Variants in TMBIM4 observed in about 807,000 individuals in gnomAD.
TMBIM4 encodes transmembrane BAX inhibitor motif containing 4, also known as protein lifeguard 4.
In TMBIM4, 28 loss-of-function variants were observed where a neutral mutation model predicts 27.7. The ratio of observed to expected loss-of-function variants is 1.01; its 90% CI spans 0.75 to 1.38. TMBIM4 has a LOEUF of 1.38. Among genes scored for constraint, TMBIM4 ranks in the 40% most tolerant of loss-of-function variants. TMBIM4 has a pLI of 0.00. For missense variants in TMBIM4, 265 were observed against 277.5 expected (o/e 0.95, Z 0.32); for synonymous variants, 115 against 113.1 (o/e 1.02, Z -0.11).
intron 1 of TMBIM4, among the ~76,000 whole-genome samples, chr12:66,160,732 T>C (rs930402761): frequency 6.6e-6 from 1 of 152,264 alleles, no homozygotes; most frequent in Admixed American, 6.5e-5. Context: ...CACAAGGCTG[T>C]CACCTCACAC....
In TMBIM4 at chr12:66,155,335, T is replaced by TGAGAGAGA. The variant is rs71697123; in HGVS notation, c.98-1895_98-1888dup. ...AGGATGGGGTGTGTGTGCACACGTG[T>TGAGAGAGA]GAGAGAGAGAGAGAGAGAGAGAGAG... On this transcript the variant is annotated intron_variant, in intron 1 of 6. Coordinates refer to ENST00000358230, the MANE Select transcript of TMBIM4 (RefSeq NM_016056.4). Among the ~76,000 whole-genome samples, 37 of 131,714 alleles carry TGAGAGAGA rather than the reference T, an allele frequency of 2.8e-4. 1 individual carries two copies. The highest frequency in any genetic ancestry group is 7.0e-4 in the African/African-American group (27 of 38,452). 86.4% of individuals were successfully genotyped at this position (131,714 alleles called of 152,430 possible).
At chr12:66,153,286 T>C in intron 2 of TMBIM4, 54 bp downstream of exon 2, 1 of 1,091,726 alleles carries the variant, frequency 9.2e-7, no homozygotes, top group South Asian at 1.4e-5. Flanking sequence ...ATAATATGCC[T>C]TTTTGATCAT....
chr12:66,149,599 TTAAGA>T (rs1004828580), intron 3 of TMBIM4, among the ~76,000 whole-genome samples: 11 of 151,742 alleles, frequency 7.2e-5, no homozygotes, highest in Non-Finnish European at 1.0e-4. Context: ...TAAATAAGAG[TTAAGA>T]TAAGACTAGG....
chr12:66,153,865 A>G (rs1373705311), intron 1 of TMBIM4, among the ~76,000 whole-genome samples: 1 of 152,188 alleles, frequency 6.6e-6, no homozygotes. Flanking sequence ...CTTAATTTCA[A>G]AAATAGTAAA....
intron 1 of TMBIM4, among the ~76,000 whole-genome samples, chr12:66,153,844 T>A (rs1184244131): frequency 6.6e-6 from 1 of 152,146 alleles, no homozygotes; most frequent in South Asian, 2.1e-4. Context: ...AAACGTTAAG[T>A]TTTTTTATGT....
chr12:66,164,004 G>C (rs1198145557), intron 1 of TMBIM4, among the ~76,000 whole-genome samples: 1 of 152,238 alleles, frequency 6.6e-6, no homozygotes, highest in South Asian at 2.1e-4. Flanking sequence ...TTCCTGGACT[G>C]TGAGGATGGT....
At chr12:66,160,042 G>A (rs1344440139) in intron 1 of TMBIM4, 1 of 561,372 alleles carries the variant, frequency 1.8e-6, no homozygotes, top group Non-Finnish European at 3.2e-6. Context: ...TTTTGTAACT[G>A]AAGTTTTATT....
At chr12:66,144,430 G>C (rs2051718345) in intron 5 of TMBIM4, among the ~76,000 whole-genome samples, 1 of 152,142 alleles carries the variant, frequency 6.6e-6, no homozygotes. Context: ...AGCTGAATTT[G>C]CCCAACTACA....
chr12:66,169,809 C>A, intron 1 of TMBIM4, 46 bp downstream of exon 1: 2 of 1,409,120 alleles, frequency 1.4e-6, no homozygotes, highest in Admixed American at 2.9e-5. Flanking sequence ...AGAGGCCGAG[C>A]AGTGCAGACA....
chr12:66,152,860 TTAATA>T (rs376259858), intron 2 of TMBIM4, among the ~76,000 whole-genome samples: 21 of 152,008 alleles, frequency 1.4e-4, no homozygotes, highest in African/African-American at 5.1e-4. Flanking sequence ...CTCCTTTCCT[TTAATA>T]TAACAAAACT....
rs560839589 is a variant in TMBIM4 at position 66,160,217 on chromosome 12, A to C, written c.98-6769T>G. The C allele has an allele frequency of 7.5e-5, 53 of 703,418 alleles. 1 individual carries two copies. The highest frequency in any genetic ancestry group is 3.7e-4 in the African/African-American group (21 of 57,400). The allele number at this position is 703,418 out of a possible 1,614,324, so 43.6% of individuals were successfully genotyped here. ...TCCCTGATCTACCAGATTGCCGGAG[A>C]TGAAAAAATCTGATGATATTCAGTG... On this transcript the variant is annotated intron_variant, in intron 1 of 6. Coordinates refer to ENST00000358230, the MANE Select transcript of TMBIM4 (RefSeq NM_016056.4).
intron 1 of TMBIM4, among the ~76,000 whole-genome samples, chr12:66,157,927 A>C (rs973871650): frequency 1.3e-5 from 2 of 152,170 alleles, no homozygotes; most frequent in African/African-American, 4.8e-5. Context: ...AGCTAAAGGA[A>C]GAAATGTCAA....
chr12:66,144,985 G>A (rs987980268), intron 5 of TMBIM4, among the ~76,000 whole-genome samples: 2 of 152,106 alleles, frequency 1.3e-5, no homozygotes, highest in Non-Finnish European at 2.9e-5. Context: ...TTGAGAAGAG[G>A]AAGTAGAACA....
intron 6 of TMBIM4, 96 bp downstream of exon 6, chr12:66,138,628 G>T (rs1224007355): frequency 1.1e-5 from 9 of 819,666 alleles, no homozygotes; most frequent in Non-Finnish European, 3.8e-6. Flanking sequence ...ATAACTAAGT[G>T]TCCTATCATA....
intron 3 of TMBIM4, among the ~76,000 whole-genome samples, chr12:66,151,284 A>C (rs867502582): frequency 6.6e-6 from 1 of 151,964 alleles, no homozygotes; most frequent in African/African-American, 2.4e-5. Context: ...CTCAGGCTGG[A>C]GTTTAGTCAC....
At chr12:66,158,082 T>C (rs551071913) in intron 1 of TMBIM4, among the ~76,000 whole-genome samples, 101 of 151,538 alleles carry the variant, frequency 6.7e-4, no homozygotes, top group East Asian at 1.6e-3. Context: ...AAAACTTAGC[T>C]GGGCGTGGTG....
intron 5 of TMBIM4, among the ~76,000 whole-genome samples, chr12:66,144,020 T>C (rs2051711755): frequency 6.6e-6 from 1 of 152,176 alleles, no homozygotes; most frequent in South Asian, 2.1e-4. Context: ...TAGCAGTAGA[T>C]GTGATTCAGT....
At chr12:66,158,502 G>A (rs1166827847) in intron 1 of TMBIM4, among the ~76,000 whole-genome samples, 1 of 152,010 alleles carries the variant, frequency 6.6e-6, no homozygotes, top group Non-Finnish European at 1.5e-5. Context: ...AGCTGGGTGT[G>A]GTGGCATGTG....
rs112853139 is a variant in TMBIM4 at position 66,162,630 on chromosome 12, C to A, written c.97+7225G>T. Among the ~76,000 whole-genome samples, 11 of 152,334 alleles carry A rather than the reference C, an allele frequency of 7.2e-5. No individual in the cohort carries two copies. In the East Asian group the frequency reaches 1.7e-3, roughly 24 times the overall value. On this transcript the variant is annotated intron_variant, in intron 1 of 6. Coordinates refer to ENST00000358230, the MANE Select transcript of TMBIM4 (RefSeq NM_016056.4). ...AAATAGTTGTTTGCCAGTTCCCAAACGCTTCTCTAGTGCCAATGAAGGTTC... is the reference window on the plus strand; with the variant it reads ...AAATAGTTGTTTGCCAGTTCCCAAAAGCTTCTCTAGTGCCAATGAAGGTTC...
Sources: allele counts gnomAD v4.1 joint callset (sites outside exome capture counted in the v4.1 genomes callset), GRCh38; gene constraint gnomAD v4.1.1; transcripts MANE v1.5; gene names NCBI Gene and HGNC (gene_info 2026-07-23, HGNC 2026-07-21).